LNPEP: variants seen among roughly 807,000 people sequenced by gnomAD.
LNPEP encodes the protein leucyl-cystinyl aminopeptidase.
A neutral mutation model predicts 120.6 loss-of-function variants in LNPEP; 64 were observed. The ratio of observed to expected loss-of-function variants is 0.53; its 90% CI spans 0.43 to 0.65. LNPEP has a LOEUF of 0.65. LNPEP is among the 30% of genes least tolerant of loss of function. LNPEP has a pLI of 0.00. For missense variants in LNPEP, 1,057 were observed against 1,200.0 expected, an observed-to-expected ratio of 0.88 and a Z score of 1.76; for synonymous variants, 435 against 425.4, an observed-to-expected ratio of 1.02 and a Z score of -0.28.
At chr5:96,999,393 A>G (rs1238715298) in intron 8 of LNPEP, among the ~76,000 whole-genome samples, 1 of 152,166 alleles carries the variant, frequency 6.6e-6, no homozygotes, top group Non-Finnish European at 1.5e-5. Flanking sequence ...CAGTAAAGAA[A>G]GAGGCAGAAA....
chr5:96,998,297 T>C, intron 8 of LNPEP, 152 bp downstream of exon 8: 1 of 663,346 alleles, frequency 1.5e-6, no homozygotes, highest in South Asian at 2.1e-5. Context: ...TGTATAAATC[T>C]TGGTCATAAC....
At chr5:96,955,607 A>G (rs1789449503) in intron 1 of LNPEP, among the ~76,000 whole-genome samples, 2 of 152,222 alleles carry the variant, frequency 1.3e-5, no homozygotes, top group Non-Finnish European at 2.9e-5. Context: ...CAACAGAGTG[A>G]GACTCCATCT....
intron 13 of LNPEP, among the ~76,000 whole-genome samples, chr5:97,020,421 C>G (rs1256634022): frequency 6.6e-6 from 1 of 152,154 alleles, no homozygotes; most frequent in Non-Finnish European, 1.5e-5. Context: ...AGGAAGAAAT[C>G]TTCCTGTGCT....
chr5:97,003,791 T>G (rs1420232745), intron 9 of LNPEP, among the ~76,000 whole-genome samples: 1 of 152,038 alleles, frequency 6.6e-6, no homozygotes, highest in Non-Finnish European at 1.5e-5. Flanking sequence ...GTTGTTTTTT[T>G]TTTTCCTGTA....
intron 1 of LNPEP, among the ~76,000 whole-genome samples, chr5:96,956,509 C>T (rs995794568): frequency 6.6e-6 from 1 of 152,192 alleles, no homozygotes; most frequent in African/African-American, 2.4e-5. Flanking sequence ...CTGCGTGAGA[C>T]TCCATCTCAA....
intron 4 of LNPEP, among the ~76,000 whole-genome samples, chr5:96,988,512 G>A (rs1790296543): frequency 6.6e-6 from 1 of 150,996 alleles, no homozygotes; most frequent in Non-Finnish European, 1.5e-5. Flanking sequence ...CTAATTTTTT[G>A]TATTTTTGGT....
At chr5:97,010,392 T>C in intron 11 of LNPEP, 1 of 984,650 alleles carries the variant, frequency 1.0e-6, no homozygotes, top group Non-Finnish European at 1.2e-6. Flanking sequence ...CATATAGTAA[T>C]TAAAATATTT....
chr5:97,012,940 A>T (rs1052090601), intron 11 of LNPEP, among the ~76,000 whole-genome samples: 1 of 152,126 alleles, frequency 6.6e-6, no homozygotes, highest in Non-Finnish European at 1.5e-5. Context: ...AAATAATGTG[A>T]CTTTTCTAAA....
At chr5:96,989,133 C>A (rs539724161) in intron 4 of LNPEP, among the ~76,000 whole-genome samples, 3 of 150,888 alleles carry the variant, frequency 2.0e-5, no homozygotes, top group African/African-American at 7.3e-5. Flanking sequence ...TAAACATAGA[C>A]TCTGGAGTCT....
intron 14 of LNPEP, among the ~76,000 whole-genome samples, chr5:97,023,497 G>A (rs951803198): frequency 2.0e-5 from 3 of 152,062 alleles, no homozygotes; most frequent in African/African-American, 7.2e-5. Flanking sequence ...CAGAAAATCT[G>A]CCCACCTAGG....
chr5:97,006,160 G>A lies in LNPEP; in HGVS notation c.1873G>A (p.Gly625Arg). 1.2e-6 allele frequency: 2 copies of A among 1,602,640 alleles called. No individual in the cohort carries two copies. The highest frequency in any genetic ancestry group is 1.7e-6 in the Non-Finnish European group (2 of 1,174,124). ...GFPLVTVQKK[G>R]KELFIQQERF... ...TCCTTTAGTGACTGTTCAAAAGAAA[G>A]GAAAGGAACTTTTTATACAACAAGA... The change falls in exon 10 of 18, where the codon GGA (glycine) becomes AGA (arginine). Residue 625 changes from glycine (G) to arginine (R), a missense_variant. Transcript: ENST00000231368.
At chr5:97,005,989 C>A (rs937347173) in intron 9 of LNPEP, 84 bp from the exon 10 acceptor site, 2 of 325,908 alleles carry the variant, frequency 6.1e-6, no homozygotes, top group Non-Finnish European at 1.0e-5. Flanking sequence ...GGGAAGGGTA[C>A]AGATAAATTA....
At chr5:96,967,238 A>C (rs951901480) in intron 1 of LNPEP, among the ~76,000 whole-genome samples, 2 of 152,098 alleles carry the variant, frequency 1.3e-5, no homozygotes, top group Non-Finnish European at 1.5e-5. Flanking sequence ...ATGTTCATGT[A>C]CTATACTGCA....
Position 96,979,932 on chromosome 5 carries a change from T to G in LNPEP, c.814T>G (p.Tyr272Asp). The change falls in exon 2 of 18, where the codon TAT becomes GAT. Residue 272 changes from tyrosine (Y) to aspartate (D), a missense_variant. By Grantham distance (160) the Tyr-to-Asp change is radical. Coordinates refer to ENST00000231368, the MANE Select transcript of LNPEP (RefSeq NM_005575.3). ...EYSANISSSY[Y>D]GFYGFSYTDE... is the part of the protein sequence containing the mutation. ...CTCGGCAAATATATCTAGTTCTTAT[T>G]ATGGGTTTTATGGCTTCTCCTACAC... The G allele has an allele frequency of 6.2e-7, 1 of 1,610,416 alleles. No individual in the cohort carries two copies. The highest frequency in any genetic ancestry group is 8.5e-7 in the Non-Finnish European group (1 of 1,177,456).
chr5:97,024,829 A>G (rs755081430), intron 15 of LNPEP, 147 bp downstream of exon 15: 66 of 655,190 alleles, frequency 1.0e-4, no homozygotes, highest in South Asian at 4.1e-4. Context: ...TGAGGAGACT[A>G]CAGGTGCTGG....
intron 1 of LNPEP, among the ~76,000 whole-genome samples, chr5:96,952,379 G>A (rs1789345020): frequency 6.6e-6 from 1 of 152,168 alleles, no homozygotes; most frequent in South Asian, 2.1e-4. Flanking sequence ...AAATAGTTTT[G>A]ACTCTGAAGG....
rs776420791 is a variant in LNPEP at position 97,003,468 on chromosome 5, A to G, written c.1707A>G (p.Gln569=). The G allele has an allele frequency of 1.2e-6, 2 of 1,601,584 alleles. No homozygotes were observed. Among genetic ancestry groups the G allele is most frequent in the Non-Finnish European group, 1.7e-6 (2 of 1,171,016 alleles). Residue 569 remains glutamine (Q), a synonymous_variant, in exon 9 of 18, where the codon CAA becomes CAG. Transcript: ENST00000231368. ...CTTACCTTAGTGAAGATGTGTTTCA[A>G]CATGCTGTTGTCCTTTACCTGCATA... ...LKTYLSEDVF[Q]HAVVLYLHNH... is the part of the protein sequence containing the mutation.
At chr5:96,996,719 A>G (rs954298442) in intron 7 of LNPEP, among the ~76,000 whole-genome samples, 1 of 152,116 alleles carries the variant, frequency 6.6e-6, no homozygotes, top group South Asian at 2.1e-4. Context: ...CTGAAATTAT[A>G]TAAGATTATT....
At chr5:96,937,386 A>G (rs1788933866) in intron 1 of LNPEP, 2 of 152,176 alleles carry the variant, frequency 1.3e-5, no homozygotes, top group Non-Finnish European at 2.9e-5. Flanking sequence ...CTGTTTAATT[A>G]GGCTTACTGA....
Sources: allele counts gnomAD v4.1 joint callset (sites outside exome capture counted in the v4.1 genomes callset), GRCh38; gene constraint gnomAD v4.1.1; transcripts MANE v1.5; gene names NCBI Gene and HGNC (gene_info 2026-07-23, HGNC 2026-07-21).